MTAP: variants seen among roughly 807,000 people sequenced by gnomAD.
MTAP encodes the protein methylthioadenosine phosphorylase, also known as S-methyl-5'-thioadenosine phosphorylase.
Under a neutral mutation model 33.6 loss-of-function variants are expected in MTAP, and 33 were observed. The observed-to-expected ratio is 0.98, with a 90% CI of 0.74 to 1.31. MTAP has a LOEUF of 1.31. MTAP is among the 40% of genes most tolerant of loss of function. MTAP has a pLI of 0.00. For synonymous variants in MTAP, 148 were observed against 125.7 expected (o/e 1.18, Z -1.19); for missense variants, 367 against 360.0 (o/e 1.02, Z -0.16).
chr9:21,892,169 A>T (rs1277341486), intron 1 of MTAP: 1 of 152,216 alleles, frequency 6.6e-6, no homozygotes, highest in African/African-American at 2.4e-5. Flanking sequence ...ATAAAAACAC[A>T]CTTAAGTATA....
chr9:21,835,165 CTT>C (rs1825073884), intron 4 of MTAP, among the ~76,000 whole-genome samples: 1 of 152,116 alleles, frequency 6.6e-6, no homozygotes, highest in Non-Finnish European at 1.5e-5. Flanking sequence ...TCTGGGATCT[CTT>C]TTATAAGGGG....
At chr9:21,834,003 T>C (rs1475276412) in intron 4 of MTAP, among the ~76,000 whole-genome samples, 1 of 152,242 alleles carries the variant, frequency 6.6e-6, no homozygotes, top group Non-Finnish European at 1.5e-5. Flanking sequence ...TAGGCTGTTT[T>C]TTTTTATTTG....
In MTAP at chr9:21,824,534, C is replaced by T. The variant is rs184531658; in HGVS notation, c.347+6332C>T. ...CTACTGGGGGGTGCCTCACAGTTAG[C>T]CTACTCGGGGTTCAGGGACCCACCT... On this transcript the variant is annotated intron_variant, in intron 4 of 7. Transcript: ENST00000644715. Among the ~76,000 whole-genome samples the T allele has an allele frequency of 6.8e-3, 1,035 of 152,306 alleles. 11 individuals carry two copies. The highest frequency in any genetic ancestry group is 0.022 in the African/African-American group (929 of 41,560).
intron 1 of MTAP, among the ~76,000 whole-genome samples, chr9:21,805,399 G>A (rs547735074): frequency 1.2e-4 from 18 of 152,252 alleles, no homozygotes; most frequent in African/African-American, 3.9e-4. Context: ...TTGAGTAAGC[G>A]AGGCCTTTAT....
At chr9:21,941,002 A>C (rs1396112321), downstream of MTAP, 1 of 985,166 alleles carries the variant, frequency 1.0e-6, no homozygotes, top group South Asian at 4.7e-5. Flanking sequence ...TGGAGCAAAG[A>C]CCAAACATAT....
downstream of MTAP, among the ~76,000 whole-genome samples, chr9:21,867,390 T>C (rs567733009): frequency 6.6e-6 from 1 of 152,292 alleles, no homozygotes; most frequent in Non-Finnish European, 1.5e-5. Context: ...TGAATGCATG[T>C]TGAATTTCAC....
chr9:21,890,232 T>C (rs996495675), intron 1 of MTAP, among the ~76,000 whole-genome samples: 13 of 152,038 alleles, frequency 8.6e-5, no homozygotes, highest in Non-Finnish European at 1.9e-4. Flanking sequence ...GGAAAGCTGA[T>C]AGTGACCAGC....
At chr9:21,846,075 A>G (rs1284452105) in intron 5 of MTAP, among the ~76,000 whole-genome samples, 1 of 152,252 alleles carries the variant, frequency 6.6e-6, no homozygotes, top group African/African-American at 2.4e-5. Context: ...TAGAAGAATG[A>G]AACTGGATCT....
At chr9:21,910,799 A>G (rs995406218) in intron 1 of MTAP, among the ~76,000 whole-genome samples, 4 of 152,118 alleles carry the variant, frequency 2.6e-5, no homozygotes, top group Non-Finnish European at 4.4e-5. Context: ...GAGTATTTCC[A>G]TCGCTCTCCA....
chr9:21,838,038 A>G (rs1473535997), intron 5 of MTAP, 28 bp downstream of exon 5: 1 of 1,590,598 alleles, frequency 6.3e-7, no homozygotes, highest in South Asian at 1.1e-5. Flanking sequence ...AAGGTGTACC[A>G]GAATAAATCA....
intron 1 of MTAP, among the ~76,000 whole-genome samples, chr9:21,918,496 A>C (rs1285765529): frequency 6.6e-6 from 1 of 152,024 alleles, no homozygotes; most frequent in Non-Finnish European, 1.5e-5. Context: ...AGAAATTAGC[A>C]CTAAAGAACT....
At chr9:21,822,804 C>T (rs1426682650) in intron 4 of MTAP, among the ~76,000 whole-genome samples, 1 of 151,876 alleles carries the variant, frequency 6.6e-6, no homozygotes, top group Non-Finnish European at 1.5e-5. Flanking sequence ...CTTTATGAAT[C>T]TGGGCTCCTG....
At chr9:21,844,834 A>T (rs935708216) in intron 5 of MTAP, among the ~76,000 whole-genome samples, 2 of 152,206 alleles carry the variant, frequency 1.3e-5, no homozygotes, top group South Asian at 4.1e-4. Context: ...GATCGAGACC[A>T]TCCTGGCTAA....
chr9:21,841,484 C>T (rs148341704), intron 5 of MTAP, among the ~76,000 whole-genome samples: 1 of 152,378 alleles, frequency 6.6e-6, no homozygotes, highest in East Asian at 1.9e-4. Flanking sequence ...AGAGCCAGCA[C>T]ATTAAACATA....
rs1219833050 is a variant in MTAP, at chr9:21,817,907, T to C, written c.180-128T>C. The C allele has an allele frequency of 4.6e-6, 4 of 876,980 alleles. No homozygotes were observed. In the Admixed American group the frequency reaches 1.4e-4, roughly 30 times the overall value. The allele number at this position is 876,980 out of a possible 1,614,324, so 54.3% of individuals were successfully genotyped here. On this transcript the variant is annotated intron_variant, in intron 3 of 7. Transcript: ENST00000644715. ...AGTTTTAGTTGCTCACTGGACTGGG[T>C]TCTAGGAGACCCCCTGTGTTAGTCT... is the stretch of plus-strand genomic sequence containing the variant.
rs1027845288 is a variant in MTAP, at chr9:21,907,568, C to CA, written c.148-23432dup. On this transcript the variant is annotated intron_variant, in intron 1 of 1. Transcript: ENST00000577563. ...TCAGAGCCTGTCTCAAAAACAACAA[C>CA]AAAAAAAATTATTTGTATGTAATAA... Among the ~76,000 whole-genome samples the CA allele has an allele frequency of 4.6e-5, 7 of 151,732 alleles. No homozygotes were observed. In the South Asian group the frequency reaches 1.2e-3, roughly 27 times the overall value.
At chr9:21,844,392 C>A (rs1402298076) in intron 5 of MTAP, among the ~76,000 whole-genome samples, 1 of 151,988 alleles carries the variant, frequency 6.6e-6, no homozygotes, top group Non-Finnish European at 1.5e-5. Flanking sequence ...AGCCAGTATC[C>A]CCCTAATTAC....
chr9:21,914,102 A>G (rs1818632997), intron 1 of MTAP, among the ~76,000 whole-genome samples: 1 of 152,206 alleles, frequency 6.6e-6, no homozygotes, highest in African/African-American at 2.4e-5. Flanking sequence ...CACCAGTTAG[A>G]ATGGCGATCA....
At chr9:21,868,219 G>A (rs1825884031), downstream of MTAP, among the ~76,000 whole-genome samples, 1 of 152,174 alleles carries the variant, frequency 6.6e-6, no homozygotes. Context: ...GATACTAGAG[G>A]AGACCTAGCT....
Sources: allele counts gnomAD v4.1 joint callset (sites outside exome capture counted in the v4.1 genomes callset), GRCh38; gene constraint gnomAD v4.1.1; transcripts MANE v1.5; gene names NCBI Gene and HGNC (gene_info 2026-07-23, HGNC 2026-07-21).